Variants in ABHD3 observed in about 807,000 individuals in gnomAD.
ABHD3 encodes the protein abhydrolase domain containing 3, phospholipase.
In ABHD3, 46 loss-of-function variants were observed where a neutral mutation model predicts 48.8. The observed-to-expected ratio is 0.94, with a 90% CI of 0.74 to 1.20. ABHD3 has a LOEUF of 1.20. ABHD3 is among the 50% of genes most tolerant of loss of function. The probability of loss-of-function intolerance (pLI) is 0.00; values close to 1 mark genes in which losing one functional copy is unlikely to be tolerated. For synonymous variants in ABHD3, 192 were observed against 183.7 expected, an observed-to-expected ratio of 1.04 and a Z score of -0.36; for missense variants, 490 against 497.8, an observed-to-expected ratio of 0.98 and a Z score of 0.15.
chr18:21,690,174 C>A (rs2040216004), intron 3 of ABHD3, among the ~76,000 whole-genome samples: 2 of 151,088 alleles, frequency 1.3e-5, no homozygotes, highest in African/African-American at 4.9e-5. Flanking sequence ...AATGGAAATT[C>A]TAGAAAAAAA....
Position 21,651,313 on chromosome 18 carries a change from G to A in ABHD3, c.*278C>T, listed in dbSNP as rs1007389988. ...AAATTTGTTTTACACAATAGTTTTG[G>A]TTAAGTGCAATTTCATGTACATACT... is the stretch of plus-strand genomic sequence containing the variant. On this transcript the variant is annotated 3_prime_UTR_variant, in exon 9 of 9. Transcript: ENST00000289119. 4.4e-6 allele frequency: 1 copy of A among 226,774 alleles called. No individual in the cohort carries two copies. The highest frequency in any genetic ancestry group is 2.3e-5 in the African/African-American group (1 of 44,074). 14.0% of individuals were successfully genotyped at this position (226,774 alleles called of 1,614,324 possible). A position where few individuals can be genotyped will look rare whatever the true frequency, so the allele number is the denominator to read the frequency against.
chr18:21,694,930 C>T (rs905526281), intron 3 of ABHD3, among the ~76,000 whole-genome samples: 1 of 152,198 alleles, frequency 6.6e-6, no homozygotes. Flanking sequence ...GACTACTCAG[C>T]GGCACGAGCT....
At chr18:21,689,935 A>C (rs1453501711) in intron 3 of ABHD3, among the ~76,000 whole-genome samples, 1 of 152,152 alleles carries the variant, frequency 6.6e-6, no homozygotes, top group African/African-American at 2.4e-5. Flanking sequence ...GGATCACTCA[A>C]ACTGTCCAGA....
At chr18:21,703,436 CGGGGACGTA>C (rs2040560173) in intron 2 of ABHD3, 139 bp downstream of exon 2, 1 of 960,004 alleles carries the variant, frequency 1.0e-6, no homozygotes, top group African/African-American at 1.6e-5. Context: ...GGGGTGGAGC[CGGGGACGTA>C]CCTTCCATTT....
intron 3 of ABHD3, among the ~76,000 whole-genome samples, chr18:21,688,352 A>G (rs1484425880): frequency 6.6e-6 from 1 of 151,882 alleles, no homozygotes; most frequent in Non-Finnish European, 1.5e-5. Flanking sequence ...AGGAACATTC[A>G]GAGATCAGCT....
rs369673843 is a variant in ABHD3, at chr18:21,664,187, G to A, written c.599C>T (p.Thr200Ile). The part of the protein sequence containing the change: ...YCCANTEDLE[T>I]VIHHVHSLYP... ...CAGGCTGTGTACATGGTGAATAACT[G>A]TCTCCAAGTCTTCAGTGTTAGCACA... is the stretch of plus-strand genomic sequence containing the variant. Residue 200 changes from threonine to isoleucine, a missense_variant, in exon 5 of 9, where the codon ACA becomes ATA. By Grantham distance (89) the Thr-to-Ile change is moderately conservative (BLOSUM62 -1). Coordinates refer to ENST00000289119, the MANE Select transcript of ABHD3 (RefSeq NM_138340.5). The A allele has an allele frequency of 2.0e-5, 32 of 1,613,946 alleles. No individual in the cohort carries two copies. Among genetic ancestry groups the A allele is most frequent in the Admixed American group, 3.3e-5 (2 of 59,956 alleles).
chr18:21,683,823 A>G (rs1370349550), intron 4 of ABHD3, 97 bp downstream of exon 4: 9 of 1,245,810 alleles, frequency 7.2e-6, no homozygotes, highest in Non-Finnish European at 9.8e-6. Flanking sequence ...TGCTTACATA[A>G]ACAGAGTTAT....
chr18:21,651,408 ATATT>A lies in ABHD3; in HGVS notation c.*179_*182del. The A allele has an allele frequency of 1.8e-6, 1 of 551,874 alleles. No homozygotes were observed. Among genetic ancestry groups the A allele is most frequent in the Non-Finnish European group, 3.0e-6 (1 of 328,424 alleles). The allele number at this position is 551,874 out of a possible 1,614,324, so 34.2% of individuals were successfully genotyped here. ...TCTACGTAAGTAACAATCTAATACT[ATATT>A]TAATTTGTTGCTACAAAGTTGTTTT... On this transcript the variant is annotated 3_prime_UTR_variant, in exon 9 of 9. Transcript: ENST00000289119.
At chr18:21,685,436 G>A (rs2146320777) in intron 3 of ABHD3, among the ~76,000 whole-genome samples, 1 of 152,294 alleles carries the variant, frequency 6.6e-6, no homozygotes, top group Middle Eastern at 3.4e-3. Context: ...AATTTTATTA[G>A]GCCCAGTTGA....
At chr18:21,662,396 C>A (rs2039522537) in intron 5 of ABHD3, 1 of 152,198 alleles carries the variant, frequency 6.6e-6, no homozygotes, top group Non-Finnish European at 1.5e-5. Context: ...CGTAAGTCAC[C>A]ACACCTGGCC....
chr18:21,663,886 T>C, intron 5 of ABHD3: 1 of 1,444,672 alleles, frequency 6.9e-7, no homozygotes, highest in Non-Finnish European at 9.0e-7. Context: ...ACCTTCAGGC[T>C]CACAAAATCC....
chr18:21,693,160 G>A (rs756905886), intron 3 of ABHD3, among the ~76,000 whole-genome samples: 38 of 152,130 alleles, frequency 2.5e-4, no homozygotes, highest in Non-Finnish European at 4.1e-4. Flanking sequence ...TACAACAGTG[G>A]GGCTCTTTCC....
intron 5 of ABHD3, among the ~76,000 whole-genome samples, chr18:21,663,049 T>C (rs1364980537): frequency 6.6e-6 from 1 of 152,166 alleles, no homozygotes; most frequent in East Asian, 1.9e-4. Flanking sequence ...TTTCTTCCTT[T>C]AGTAGGTCAA....
chr18:21,662,506 C>T (rs995204194), intron 5 of ABHD3: 2 of 152,180 alleles, frequency 1.3e-5, no homozygotes, highest in African/African-American at 2.4e-5. Context: ...ACTGATGAAA[C>T]GAGATGATCC....
Position 21,656,848 on chromosome 18 carries a change from A to G in ABHD3, c.1057+13T>C. The stretch of plus-strand genomic sequence containing the variant: ...GATTCATGTCAAAATATATACAAAT[A>G]TGTTAATTTTACCATGACTGGGTGA... On this transcript the variant is annotated intron_variant, in intron 8 of 8. Transcript: ENST00000289119. 6.4e-7 allele frequency: 1 copy of G among 1,570,720 alleles called. No homozygotes were observed. Among genetic ancestry groups the G allele is most frequent in the Non-Finnish European group, 8.7e-7 (1 of 1,155,774 alleles).
In ABHD3 at chr18:21,659,173, T is replaced by C; in HGVS notation, c.839A>G (p.Asn280Ser). Residue 280 changes from asparagine (N) to serine (S), a missense_variant, in exon 6 of 9, where the codon AAT becomes AGT. Transcript: ENST00000289119. Reference sequence around the variant, plus strand: ...ACAGATTTTAAAGATGACTCACTTATTAACTGAAGACTGAAGGCAGGTTGT... The same window carrying C: ...ACAGATTTTAAAGATGACTCACTTACTAACTGAAGACTGAAGGCAGGTTGT... ...YLTTCLQSSV[N>S]KHRHMFVKQV... 1.2e-6 allele frequency: 2 copies of C among 1,612,710 alleles called. No individual in the cohort carries two copies. The highest frequency in any genetic ancestry group is 1.3e-5 in the African/African-American group (1 of 74,934).
chr18:21,683,487 G>C (rs751078406), intron 4 of ABHD3: 9 of 503,246 alleles, frequency 1.8e-5, no homozygotes, highest in Non-Finnish European at 3.7e-5. Flanking sequence ...TTTTGCACTG[G>C]TTAATTTTTA....
At chr18:21,662,922 T>C (rs45613238) in intron 5 of ABHD3, among the ~76,000 whole-genome samples, 23,993 of 152,138 alleles carry the variant, frequency 0.16, 2,073 homozygotes, top group Middle Eastern at 0.26. Context: ...AAGGGAAAAG[T>C]TCAGCTCTCA....
chr18:21,671,231 T>A (rs2039750952), intron 4 of ABHD3, among the ~76,000 whole-genome samples: 1 of 152,154 alleles, frequency 6.6e-6, no homozygotes, highest in African/African-American at 2.4e-5. Flanking sequence ...GATTAACTAA[T>A]AAGTTCTGAT....
Sources: gnomAD v4.1 joint callset for allele counts (sites outside exome capture counted in the v4.1 genomes callset) on GRCh38, gnomAD v4.1.1 for gene constraint, MANE v1.5 for transcripts, NCBI Gene and HGNC (gene_info 2026-07-23, HGNC 2026-07-21) for gene names.